WFS1: variants seen among roughly 807,000 people sequenced by gnomAD.
The protein encoded by WFS1 is wolframin.
A neutral mutation model predicts 68.5 loss-of-function variants in WFS1; 90 were observed. That is an observed-to-expected ratio of 1.31 (90% CI 1.11 to 1.56). WFS1 has a LOEUF of 1.56. WFS1 is among the 40% of genes most tolerant of loss of function. WFS1 has a pLI of 0.00. For missense variants in WFS1, 1,767 were observed against 1,232.6 expected (o/e 1.43, Z -6.49); for synonymous variants, 860 against 540.7 (o/e 1.59, Z -8.19).
intron 1 of WFS1, among the ~76,000 whole-genome samples, chr4:6,275,820 C>G (rs762350413): frequency 2.1e-4 from 32 of 152,294 alleles, no homozygotes; most frequent in Non-Finnish European, 4.3e-4. Flanking sequence ...CAGCTGCCCC[C>G]AAAAGTGACC....
chr4:6,272,798 T>G (rs1194611856), intron 1 of WFS1, among the ~76,000 whole-genome samples: 2 of 152,234 alleles, frequency 1.3e-5, no homozygotes, highest in South Asian at 2.1e-4. Flanking sequence ...CTAAACAGAC[T>G]CCGGCTAATA....
At position 6,302,545 on chromosome 4, in the gene WFS1, A is replaced by G. The variant is rs1730991036; in HGVS notation, c.*77A>G. On this transcript the variant is annotated 3_prime_UTR_variant, in exon 8 of 8. Coordinates refer to ENST00000226760, the MANE Select transcript of WFS1 (RefSeq NM_006005.3). ...CCAGTGTGGCCCCAGCCCGACAGGCATGCACCAGTGCCGCCTGTGCCCACG... is the reference window on the plus strand; with the variant it reads ...CCAGTGTGGCCCCAGCCCGACAGGCGTGCACCAGTGCCGCCTGTGCCCACG... The G allele has an allele frequency of 1.1e-5, 17 of 1,594,660 alleles. No homozygotes were observed. The highest frequency in any genetic ancestry group is 3.4e-5 in the Admixed American group (2 of 59,630).
intron 6 of WFS1, among the ~76,000 whole-genome samples, chr4:6,292,437 T>C (rs990147705): frequency 5.3e-5 from 8 of 152,124 alleles, no homozygotes; most frequent in Admixed American, 5.2e-4. Flanking sequence ...GAAGGGGCTC[T>C]GCCCCAGCGT....
chr4:6,298,346 C>G (rs964460000), intron 7 of WFS1, among the ~76,000 whole-genome samples: 1 of 152,228 alleles, frequency 6.6e-6, no homozygotes, highest in Non-Finnish European at 1.5e-5. Context: ...CTCTGGCAAG[C>G]GTTGGAAATG....
chr4:6,302,936 C>T lies in WFS1; in HGVS notation c.*468C>T, dbSNP rs142894380. 1 of 183,148 alleles carries T rather than the reference C, an allele frequency of 5.5e-6. No individual in the cohort carries two copies. Among genetic ancestry groups the T allele is most frequent in the East Asian group, 1.5e-4 (1 of 6,796 alleles). 11.3% of individuals were successfully genotyped at this position (183,148 alleles called of 1,614,324 possible). Reference sequence around the variant, plus strand: ...CTGCTACACCTTAGCAGCTCTTCCCCTTTCCTGGGGGATGTGCACGGCAGC... The same window carrying T: ...CTGCTACACCTTAGCAGCTCTTCCCTTTTCCTGGGGGATGTGCACGGCAGC... On this transcript the variant is annotated 3_prime_UTR_variant, in exon 8 of 8. Transcript: ENST00000226760.
chr4:6,276,232 C>T (rs1289752712), intron 1 of WFS1, among the ~76,000 whole-genome samples: 4 of 152,324 alleles, frequency 2.6e-5, no homozygotes, highest in East Asian at 1.9e-4. Flanking sequence ...CCCCTAACGC[C>T]GCTCATCCAG....
rs1472277861 is a variant in WFS1, at chr4:6,287,100, A to G, written c.240A>G (p.Thr80=). ...GTTTCTTCTGTGTTAAAGGGCCTAC[A>G]AAGGGAGACATGGAAATCCCCTTTG... is the stretch of plus-strand genomic sequence containing the variant. The part of the protein sequence containing the change: ...SRERADGTGP[T]KGDMEIPFEE... Residue 80 remains threonine (T), a synonymous_variant, in exon 3 of 8, where the codon ACA becomes ACG. Transcript: ENST00000226760. The surrounding 1 kb of genome is among the most constrained non-coding windows in gnomAD (Gnocchi z 6.4). The G allele has an allele frequency of 6.4e-7, 1 of 1,557,018 alleles. No homozygotes were observed. The highest frequency in any genetic ancestry group is 2.0e-5 in the Admixed American group (1 of 51,140).
At chr4:6,270,191 G>T (rs1455765456) in intron 1 of WFS1, among the ~76,000 whole-genome samples, 177 bp downstream of exon 1, 1 of 152,030 alleles carries the variant, frequency 6.6e-6, no homozygotes, top group Admixed American at 6.5e-5. Flanking sequence ...GGTCCCGCCC[G>T]CTCTGCAACG....
chr4:6,291,999 T>TGA lies in WFS1; in HGVS notation c.712+4_712+5dup, dbSNP rs1254825556. The stretch of plus-strand genomic sequence containing the variant: ...TGGAGCGCCTGGTCAGCAGCGAGTG[T>TGA]GAGTGCAGCCCCTGCCCCGTCTCAC... On this transcript the variant is annotated splice_region_variant and intron_variant, in intron 6 of 7. Coordinates refer to ENST00000226760, the MANE Select transcript of WFS1 (RefSeq NM_006005.3). 6.2e-7 allele frequency: 1 copy of TGA among 1,605,302 alleles called. No homozygotes were observed. The highest frequency in any genetic ancestry group is 1.3e-5 in the African/African-American group (1 of 74,790).
intron 2 of WFS1, among the ~76,000 whole-genome samples, chr4:6,280,897 T>C (rs943590365): frequency 6.6e-6 from 1 of 152,188 alleles, no homozygotes; most frequent in Non-Finnish European, 1.5e-5. Context: ...TACCCGCCAC[T>C]CCGTCTCCGA....
rs772113749 is a variant in WFS1 at position 6,301,457 on chromosome 4, G to A, written c.1662G>A (p.Leu554=). Residue 554 remains leucine, a synonymous_variant, in exon 8 of 8, where the codon CTG becomes CTA. Transcript: ENST00000226760. ...TCATCCTGCTGGAGTCCACCGGCCT[G>A]GGGCTGCTCCGCGCCTCCATCGGCT... The part of the protein sequence containing the change: ...SVVILLESTG[L]GLLRASIGYF... The A allele has an allele frequency of 2.2e-5, 36 of 1,612,568 alleles. No individual in the cohort carries two copies. The highest frequency in any genetic ancestry group is 6.7e-5 in the Admixed American group (4 of 60,030).
chr4:6,301,428 G>T lies in WFS1; in HGVS notation c.1633G>T (p.Val545Leu), dbSNP rs201993978. 1.2e-6 allele frequency: 2 copies of T among 1,612,402 alleles called. No homozygotes were observed. Among genetic ancestry groups the T allele is most frequent in the East Asian group, 4.5e-5 (2 of 44,874 alleles). The change falls in exon 8 of 8, where the codon GTG (valine) becomes TTG (leucine). Residue 545 changes from valine to leucine, a missense_variant. Coordinates refer to ENST00000226760, the MANE Select transcript of WFS1 (RefSeq NM_006005.3). Reference protein sequence around the residue: ...LVCFMWCELSVVILLESTGLG... With the variant: ...LVCFMWCELSLVILLESTGLG... ...GTGCTTCATGTGGTGTGAGCTCTCC[G>T]TGGTCATCCTGCTGGAGTCCACCGG...
chr4:6,283,805 C>T lies in WFS1; in HGVS notation c.233-3288C>T, dbSNP rs1194260755. Among the ~76,000 whole-genome samples, 1 of 151,858 alleles carries T rather than the reference C, an allele frequency of 6.6e-6. No individual in the cohort carries two copies. The highest frequency in any genetic ancestry group is 1.5e-5 in the Non-Finnish European group (1 of 67,998). On this transcript the variant is annotated intron_variant, in intron 2 of 7. Coordinates refer to ENST00000226760, the MANE Select transcript of WFS1 (RefSeq NM_006005.3). The surrounding 1 kb of genome is among the most constrained non-coding windows in gnomAD (Gnocchi z 5.0). ...TGAGGACTGAGAGTGGCGGGGTTCCCCAAAAGGGACATCAAGGTGCAGTCA... is the reference window on the plus strand; with the variant it reads ...TGAGGACTGAGAGTGGCGGGGTTCCTCAAAAGGGACATCAAGGTGCAGTCA...
intron 2 of WFS1, among the ~76,000 whole-genome samples, chr4:6,277,967 T>A (rs530339155): frequency 6.6e-5 from 10 of 152,340 alleles, no homozygotes; most frequent in African/African-American, 2.2e-4. Flanking sequence ...ACAGCTTCCA[T>A]TTGCAACAGC....
chr4:6,302,028 G>C lies in WFS1; in HGVS notation c.2233G>C (p.Gly745Arg). 6.2e-7 allele frequency: 1 copy of C among 1,612,790 alleles called. No individual in the cohort carries two copies. Among genetic ancestry groups the C allele is most frequent in the Non-Finnish European group, 8.5e-7 (1 of 1,179,926 alleles). Residue 745 changes from glycine to arginine, a missense_variant, in exon 8 of 8, where the codon GGC becomes CGC. By Grantham distance (125) the Gly-to-Arg change is moderately radical. Coordinates refer to ENST00000226760, the MANE Select transcript of WFS1 (RefSeq NM_006005.3). ...CGAGGCCTACCCTGCCTGCAGCCCT[G>C]GCAACACCTCCACGGCCGAGGAGGA... is the stretch of plus-strand genomic sequence containing the variant. ...YGEAYPACSP[G>R]NTSTAEEELC...
At chr4:6,288,207 ACT>A (rs1040260672) in intron 3 of WFS1, among the ~76,000 whole-genome samples, 4 of 126,482 alleles carry the variant, frequency 3.2e-5, no homozygotes, top group African/African-American at 6.6e-5. Flanking sequence ...ACAGAGCAAG[ACT>A]CTGTCTCAAA....
rs766233735 is a variant in WFS1, at chr4:6,287,645, C to A, written c.315+470C>A. 5.3e-5 allele frequency among the ~76,000 whole-genome samples: 8 copies of A among 152,194 alleles called. No individual in the cohort carries two copies. The highest frequency in any genetic ancestry group is 4.6e-4 in the Admixed American group (7 of 15,290). ...TGCTGGGGACATGATGTGGCCCTCT[C>A]TTCATGGGTGACAGGTTAGTGGAAG... On this transcript the variant is annotated intron_variant, in intron 3 of 7. Transcript: ENST00000226760. This position sits in a 1 kb window ranked among gnomAD's most constrained non-coding sequence, Gnocchi z 6.4.
chr4:6,274,327 G>A (rs1043009061), intron 1 of WFS1, among the ~76,000 whole-genome samples: 4 of 152,006 alleles, frequency 2.6e-5, no homozygotes, highest in South Asian at 2.1e-4. Context: ...GATTACAGGC[G>A]TGAGCCACCG....
chr4:6,301,598 G>A lies in WFS1; in HGVS notation c.1803G>A (p.Val601=). ...SLELTKIAVT[V]AVCSVPLLLR... is the part of the protein sequence containing the mutation. ...AGCTCACCAAGATCGCAGTCACCGT[G>A]GCGGTCTGTAGTGTGCCCCTGCTGT... Residue 601 remains valine, a synonymous_variant, in exon 8 of 8, where the codon GTG becomes GTA. Transcript: ENST00000226760. The A allele has an allele frequency of 1.2e-6, 2 of 1,614,180 alleles. No individual in the cohort carries two copies. The highest frequency in any genetic ancestry group is 2.2e-5 in the East Asian group (1 of 44,868).
Sources: allele counts gnomAD v4.1 joint callset (sites outside exome capture counted in the v4.1 genomes callset), GRCh38; gene constraint gnomAD v4.1.1; non-coding constraint Gnocchi (gnomAD v3.1); transcripts MANE v1.5; gene names NCBI Gene and HGNC (gene_info 2026-07-23, HGNC 2026-07-21).